The following FRRS1 variants were observed in gnomAD, a reference collection of about 807,000 sequenced individuals.
The protein encoded by FRRS1 is ferric reductase 1.
A neutral mutation model predicts 70.7 loss-of-function variants in FRRS1; 51 were observed. That is an observed-to-expected ratio of 0.72 (90% CI 0.58 to 0.91). FRRS1 has a LOEUF of 0.91. Ranked by LOEUF, FRRS1 falls within the 40% of genes least tolerant of loss-of-function variation. FRRS1 has a pLI of 0.00. For missense variants in FRRS1, 672 were observed against 726.0 expected (o/e 0.93, Z 0.86); for synonymous variants, 225 against 238.7 (o/e 0.94, Z 0.53).
At chr1:99,761,846 G>A (rs1054661794) in intron 1 of FRRS1, among the ~76,000 whole-genome samples, 4 of 152,144 alleles carry the variant, frequency 2.6e-5, no homozygotes, top group East Asian at 1.9e-4. Flanking sequence ...ACTGCATTTC[G>A]CTATAGTAAT....
intron 9 of FRRS1, among the ~76,000 whole-genome samples, chr1:99,726,933 T>C (rs750604700): frequency 1.3e-5 from 2 of 152,214 alleles, no homozygotes; most frequent in Non-Finnish European, 2.9e-5. Flanking sequence ...AAGGCTGGTC[T>C]GGAACTCCTG....
At chr1:99,742,110 T>C (rs541772078) in intron 5 of FRRS1, 69 bp downstream of exon 5, 32 of 968,900 alleles carry the variant, frequency 3.3e-5, no homozygotes, top group Non-Finnish European at 5.1e-5. Context: ...CACCTTGGCA[T>C]CCCAAAGTGC....
intron 14 of FRRS1, among the ~76,000 whole-genome samples, chr1:99,711,803 G>C (rs1488593613): frequency 6.6e-6 from 1 of 152,164 alleles, no homozygotes; most frequent in Non-Finnish European, 1.5e-5. Context: ...CCCTCAATTT[G>C]AGCTACTCAA....
At chr1:99,710,780 A>G (rs948019146) in intron 15 of FRRS1, 26 bp downstream of exon 15, 5 of 1,605,826 alleles carry the variant, frequency 3.1e-6, no homozygotes, top group Non-Finnish European at 4.3e-6. Flanking sequence ...GTGCTTCTAC[A>G]TAACATGGCT....
At position 99,729,082 on chromosome 1, in the gene FRRS1, A is replaced by G. The variant is rs183230463; in HGVS notation, c.859-442T>C. The stretch of plus-strand genomic sequence containing the variant: ...GAAGGCTGTGCACAGTTATGTCATT[A>G]AGTAATAGCTACTGCTCCGTCAGAG... On this transcript the variant is annotated intron_variant, in intron 8 of 16. Coordinates refer to ENST00000646001, the MANE Select transcript of FRRS1 (RefSeq NM_001361041.2). Among the ~76,000 whole-genome samples, 3 of 152,362 alleles carry G rather than the reference A, an allele frequency of 2.0e-5. No individual in the cohort carries two copies. In the East Asian group the frequency reaches 5.8e-4, roughly 29 times the overall value.
chr1:99,727,670 C>T (rs1313422111), intron 9 of FRRS1, among the ~76,000 whole-genome samples: 1 of 152,210 alleles, frequency 6.6e-6, no homozygotes, highest in Non-Finnish European at 1.5e-5. Flanking sequence ...CCACTCTAGA[C>T]ATCTACCTTC....
At chr1:99,745,955 C>T (rs922975776) in intron 4 of FRRS1, among the ~76,000 whole-genome samples, 5 of 151,880 alleles carry the variant, frequency 3.3e-5, no homozygotes, top group African/African-American at 1.2e-4. Context: ...CAGCTTCTGC[C>T]ATGAGTAAAA....
chr1:99,751,707 T>C (rs1468402122), intron 1 of FRRS1, among the ~76,000 whole-genome samples: 1 of 151,802 alleles, frequency 6.6e-6, no homozygotes, highest in Non-Finnish European at 1.5e-5. Context: ...CAAACAAAAA[T>C]TGAGGGAATG....
At chr1:99,744,516 G>C (rs1571140895) in intron 4 of FRRS1, among the ~76,000 whole-genome samples, 1 of 152,118 alleles carries the variant, frequency 6.6e-6, no homozygotes, top group Non-Finnish European at 1.5e-5. Context: ...GCCGGGCGCA[G>C]TGGCTCATAC....
At position 99,742,176 on chromosome 1, in the gene FRRS1, C is replaced by T; in HGVS notation, c.428+3G>A. On this transcript the variant is annotated splice_donor_region_variant and intron_variant, in intron 5 of 16. Transcript: ENST00000646001. ...GCCCAGAATTATAAACTCTTATACT[C>T]ACAGAAACTGTGTGTGATTTGGAGC... 2.5e-6 allele frequency: 4 copies of T among 1,583,454 alleles called. No homozygotes were observed. The highest frequency in any genetic ancestry group is 3.5e-6 in the Non-Finnish European group (4 of 1,152,108).
intron 1 of FRRS1, among the ~76,000 whole-genome samples, chr1:99,762,878 C>T (rs753329018): frequency 3.3e-4 from 51 of 152,270 alleles, no homozygotes; most frequent in Non-Finnish European, 6.3e-4. Context: ...CTCTCTTCTA[C>T]TTTCCATTCT....
chr1:99,715,838 A>G (rs1654496327), intron 11 of FRRS1, among the ~76,000 whole-genome samples, 166 bp from the exon 12 acceptor site: 1 of 152,020 alleles, frequency 6.6e-6, no homozygotes, highest in Non-Finnish European at 1.5e-5. Flanking sequence ...AAAAAAAAAA[A>G]CTTAGTATAC....
At chr1:99,721,796 G>A (rs12760409) in intron 9 of FRRS1, among the ~76,000 whole-genome samples, 56,671 of 151,018 alleles carry the variant, frequency 0.38, 11,360 homozygotes, top group African/African-American at 0.52. Context: ...ACGGGGTTTC[G>A]CCATCTTGGC....
chr1:99,746,839 G>C (rs946430108), intron 4 of FRRS1, among the ~76,000 whole-genome samples: 1 of 152,122 alleles, frequency 6.6e-6, no homozygotes, highest in East Asian at 1.9e-4. Flanking sequence ...AAAAAAGTCA[G>C]ACAGAAATTA....
At chr1:99,757,891 T>C (rs1329037965) in intron 1 of FRRS1, among the ~76,000 whole-genome samples, 5 of 151,938 alleles carry the variant, frequency 3.3e-5, no homozygotes, top group Admixed American at 6.5e-5. Flanking sequence ...AAAGTATCTA[T>C]GACAGGTTTT....
intron 7 of FRRS1, among the ~76,000 whole-genome samples, chr1:99,730,957 G>C (rs1655350575): frequency 6.6e-6 from 1 of 151,686 alleles, no homozygotes; most frequent in Admixed American, 6.6e-5. Context: ...AATCACTTGA[G>C]CCCAGGAGGT....
intron 1 of FRRS1, among the ~76,000 whole-genome samples, chr1:99,756,110 TCAA>T (rs1208278788): frequency 1.3e-5 from 2 of 152,188 alleles, no homozygotes; most frequent in Non-Finnish European, 2.9e-5. Flanking sequence ...TTATCGACTG[TCAA>T]CAATAAGCTA....
chr1:99,737,989 C>A, intron 7 of FRRS1, 97 bp downstream of exon 7: 1 of 963,462 alleles, frequency 1.0e-6, no homozygotes, highest in Non-Finnish European at 1.5e-6. Flanking sequence ...GATCCACCTG[C>A]CTCGGCCTCC....
At chr1:99,728,248 T>C (rs144910239) in intron 9 of FRRS1, among the ~76,000 whole-genome samples, 24 of 151,920 alleles carry the variant, frequency 1.6e-4, no homozygotes, top group Admixed American at 5.2e-4. Context: ...GTCACATGCA[T>C]TTTACTAATC....
Sources: gnomAD v4.1 joint callset for allele counts (sites outside exome capture counted in the v4.1 genomes callset) on GRCh38, gnomAD v4.1.1 for gene constraint, MANE v1.5 for transcripts, NCBI Gene and HGNC (gene_info 2026-07-23, HGNC 2026-07-21) for gene names.